PCSK5: variants seen among roughly 807,000 people sequenced by gnomAD.
PCSK5 encodes the protein proprotein convertase subtilisin/kexin type 5, also known as prohormone convertase 5.
In PCSK5, 129 loss-of-function variants were observed where a neutral mutation model predicts 233.2. That is an observed-to-expected ratio of 0.55 (90% confidence interval 0.48 to 0.64). The LOEUF is 0.64. PCSK5 is among the 30% of genes least tolerant of loss of function. The pLI, the probability that PCSK5 is intolerant of heterozygous loss-of-function variation, is 0.00. For synonymous variants in PCSK5, 825 were observed against 879.2 expected (o/e 0.94, Z 1.09); for missense variants, 2,076 against 2,430.1 (o/e 0.85, Z 3.06).
intron 2 of PCSK5, among the ~76,000 whole-genome samples, chr9:75,984,919 G>A (rs1417823183): frequency 1.3e-5 from 2 of 152,172 alleles, no homozygotes; most frequent in East Asian, 3.8e-4. Flanking sequence ...CCCTTCTCCA[G>A]TAATCTTTTA....
intron 20 of PCSK5, among the ~76,000 whole-genome samples, chr9:76,223,715 G>T (rs1825799311): frequency 1.3e-5 from 2 of 152,188 alleles, no homozygotes; most frequent in African/African-American, 4.8e-5. Context: ...AGAGCTTGTA[G>T]GATGAGGTGG....
chr9:76,334,013 C>T (rs1030156113), intron 34 of PCSK5, among the ~76,000 whole-genome samples: 5 of 152,280 alleles, frequency 3.3e-5, no homozygotes, highest in African/African-American at 9.6e-5. Context: ...CTTACAGTTC[C>T]ATGTGGATGG....
intron 3 of PCSK5, among the ~76,000 whole-genome samples, chr9:76,016,315 T>C (rs1827947021): frequency 1.3e-5 from 2 of 152,224 alleles, no homozygotes; most frequent in Non-Finnish European, 2.9e-5. Context: ...GTCTGTTGCA[T>C]GGACTAGAGT....
At chr9:76,003,344 G>A (rs905843295) in intron 3 of PCSK5, among the ~76,000 whole-genome samples, 2 of 152,176 alleles carry the variant, frequency 1.3e-5, no homozygotes, top group Admixed American at 1.3e-4. Context: ...CTACACTCCA[G>A]CCTGGGCAAT....
chr9:76,103,442 A>C (rs994399272), intron 8 of PCSK5, among the ~76,000 whole-genome samples: 1 of 152,198 alleles, frequency 6.6e-6, no homozygotes, highest in African/African-American at 2.4e-5. Context: ...TTGCTATAAA[A>C]GCTTGTCACT....
rs1214380534 is a variant in PCSK5, at chr9:75,917,407, T to C, written c.193-14972T>C. ...AACAAGTGTGTATGAAGGTGAGAGG[T>C]AGCAAATCTATCTTGGTAATATTTT... On this transcript the variant is annotated intron_variant, in intron 1 of 37. Transcript: ENST00000674117. Among the ~76,000 whole-genome samples, 3 of 152,186 alleles carry C rather than the reference T, an allele frequency of 2.0e-5. No individual in the cohort carries two copies. The East Asian group carries it at 5.8e-4, about 29-fold the overall frequency.
Position 76,189,178 on chromosome 9 carries a change from A to G in PCSK5, c.2465A>G (p.Tyr822Cys). The change falls in exon 19 of 38, where the codon TAT (tyrosine) becomes TGT (cysteine). Residue 822 changes from tyrosine (Y) to cysteine (C), a missense_variant. Tyr to Cys is a radical substitution (Grantham distance 194). Transcript: ENST00000674117. The stretch of plus-strand genomic sequence containing the variant: ...TGCGTGCAGAGCTGTAGTATCAGCT[A>G]TTACTTTGACCACTCTTCAGAGAAT... ...GRCVQSCSIS[Y>C]YFDHSSENGY... 1 of 1,612,690 alleles carries G rather than the reference A, an allele frequency of 6.2e-7. No individual in the cohort carries two copies. The highest frequency in any genetic ancestry group is 8.5e-7 in the Non-Finnish European group (1 of 1,179,200).
intron 19 of PCSK5, 25 bp downstream of exon 19, chr9:76,189,248 C>T (rs1824250945): frequency 6.2e-7 from 1 of 1,604,606 alleles, no homozygotes; most frequent in East Asian, 2.2e-5. Context: ...CCCCTGGGCC[C>T]TAGCATTTAG....
intron 2 of PCSK5, among the ~76,000 whole-genome samples, chr9:75,966,177 C>T (rs148018461): frequency 3.3e-4 from 50 of 152,092 alleles, no homozygotes; most frequent in African/African-American, 1.2e-3. Flanking sequence ...CTAACCTATA[C>T]TGAGGCAGGG....
intron 2 of PCSK5, among the ~76,000 whole-genome samples, chr9:75,943,638 G>C (rs7021371): frequency 6.6e-6 from 1 of 152,174 alleles, no homozygotes; most frequent in East Asian, 1.9e-4. Context: ...TTGTATTGTA[G>C]TTCCTACTGT....
chr9:76,338,603 CT>C (rs1829746224), intron 35 of PCSK5, among the ~76,000 whole-genome samples, 156 bp downstream of exon 35: 1 of 152,124 alleles, frequency 6.6e-6, no homozygotes, highest in South Asian at 2.1e-4. Flanking sequence ...TCTGTTCGCT[CT>C]TAACTTCCAC....
chr9:76,046,159 T>TG (rs1433056016), intron 5 of PCSK5, among the ~76,000 whole-genome samples: 77 of 114,048 alleles, frequency 6.8e-4, no homozygotes, highest in African/African-American at 3.4e-3. Flanking sequence ...TTTTTTCTTT[T>TG]GTTTTTTTTT....
intron 27 of PCSK5, 26 bp from the exon 28 acceptor site, chr9:76,302,111 A>G: frequency 8.7e-6 from 10 of 1,150,364 alleles, no homozygotes; most frequent in Non-Finnish European, 1.2e-5. Flanking sequence ...AAAAAAAACT[A>G]AACACTTTTT....
intron 24 of PCSK5, among the ~76,000 whole-genome samples, chr9:76,256,237 C>G (rs757465999): frequency 6.6e-6 from 1 of 152,178 alleles, no homozygotes; most frequent in Non-Finnish European, 1.5e-5. Context: ...ATTAGCTCAT[C>G]ATCTTGGCTC....
chr9:75,938,385 G>A (rs1349958123), intron 2 of PCSK5, among the ~76,000 whole-genome samples: 2 of 152,194 alleles, frequency 1.3e-5, no homozygotes, highest in Non-Finnish European at 2.9e-5. Flanking sequence ...TGTCATATGG[G>A]TGAGGTTTGT....
In PCSK5 at chr9:76,189,106, A is replaced by G; in HGVS notation, c.2393A>G (p.Asp798Gly). Residue 798 changes from aspartate to glycine, a missense_variant, in exon 19 of 38, where the codon GAT becomes GGT. Asp to Gly is a moderately conservative substitution (Grantham distance 94, BLOSUM62 -1). Coordinates refer to ENST00000674117, the MANE Select transcript of PCSK5 (RefSeq NM_001372043.1). ...TCTTGCTTTTAAGGGGCAGGAGCTG[A>G]TGGGTGCATTAACTGCACAGAGGGC... is the stretch of plus-strand genomic sequence containing the variant. ...FCATCAGAGA[D>G]GCINCTEGYF... 2 of 1,613,388 alleles carry G rather than the reference A, an allele frequency of 1.2e-6. No individual in the cohort carries two copies. Among genetic ancestry groups the G allele is most frequent in the Non-Finnish European group, 1.7e-6 (2 of 1,179,714 alleles).
intron 33 of PCSK5, among the ~76,000 whole-genome samples, chr9:76,329,000 G>A (rs1376267352): frequency 1.2e-5 from 1 of 82,120 alleles, no homozygotes; most frequent in African/African-American, 5.6e-5. Context: ...TGTATTTTTG[G>A]TAGAGACGGG....
chr9:76,069,998 T>G (rs1445372822), intron 6 of PCSK5, among the ~76,000 whole-genome samples: 24 of 14,142 alleles, frequency 1.7e-3, no homozygotes, highest in Non-Finnish European at 2.7e-3. Flanking sequence ...CCATTCCAAT[T>G]TTTTTTTTTT....
chr9:76,144,179 T>A lies in PCSK5; in HGVS notation c.1312+9967T>A, dbSNP rs942018276. Among the ~76,000 whole-genome samples, 38 of 151,034 alleles carry A rather than the reference T, an allele frequency of 2.5e-4. 1 individual carries two copies. The highest frequency in any genetic ancestry group is 5.9e-5 in the Non-Finnish European group (4 of 68,040). ...AGCCAACTTAGAATTTTTAGTAGTC[T>A]TAAGAAGCTGTATTGTTTTTCTGAA... On this transcript the variant is annotated intron_variant, in intron 10 of 37. Coordinates refer to ENST00000674117, the MANE Select transcript of PCSK5 (RefSeq NM_001372043.1).
Sources: gnomAD v4.1 joint callset for allele counts (sites outside exome capture counted in the v4.1 genomes callset) on GRCh38, gnomAD v4.1.1 for gene constraint, MANE v1.5 for transcripts, NCBI Gene and HGNC (gene_info 2026-07-23, HGNC 2026-07-21) for gene names.